The following AGBL4 variants were observed in gnomAD, a reference collection of about 807,000 sequenced individuals.
AGBL4 encodes the protein cytosolic carboxypeptidase 6.
Under a neutral mutation model 66.4 loss-of-function variants are expected in AGBL4, and 58 were observed. The observed-to-expected ratio is 0.87, with a 90% confidence interval of 0.71 to 1.09. The LOEUF is 1.09. AGBL4 is among the 50% of genes least tolerant of loss of function. The pLI, the probability that AGBL4 is intolerant of heterozygous loss-of-function variation, is 0.00. For synonymous variants in AGBL4, 234 were observed against 222.9 expected (o/e 1.05, Z -0.44); for missense variants, 579 against 631.0 (o/e 0.92, Z 0.88).
chr1:49,226,002 A>G (rs979770944), intron 4 of AGBL4, among the ~76,000 whole-genome samples: 2 of 152,220 alleles, frequency 1.3e-5, no homozygotes, highest in African/African-American at 4.8e-5. Flanking sequence ...TCTCAAGATA[A>G]TCTTAAGTTT....
At chr1:49,159,181 GT>G (rs1557688631) in intron 4 of AGBL4, among the ~76,000 whole-genome samples, 1 of 151,998 alleles carries the variant, frequency 6.6e-6, no homozygotes, top group African/African-American at 2.4e-5. Context: ...AGTTTGGTCT[GT>G]TTTTGCACTG....
intron 6 of AGBL4, among the ~76,000 whole-genome samples, chr1:48,749,309 T>C (rs1404799858): frequency 1.3e-5 from 2 of 152,154 alleles, no homozygotes; most frequent in Admixed American, 1.3e-4. Flanking sequence ...GACTAGAACA[T>C]AAACACCGAG....
chr1:49,724,075 A>G (rs376708170), intron 2 of AGBL4, among the ~76,000 whole-genome samples: 163 of 152,118 alleles, frequency 1.1e-3, no homozygotes, highest in South Asian at 2.7e-3. Context: ...CCAACCAGTA[A>G]TAAGGCATTA....
intron 3 of AGBL4, among the ~76,000 whole-genome samples, chr1:49,272,554 C>T (rs926656949): frequency 1.1e-4 from 16 of 152,094 alleles, no homozygotes; most frequent in African/African-American, 3.6e-4. Flanking sequence ...TTAAAATTGT[C>T]TCTGTACTTT....
At chr1:49,591,293 A>C (rs150808582) in intron 3 of AGBL4, among the ~76,000 whole-genome samples, 3 of 152,118 alleles carry the variant, frequency 2.0e-5, no homozygotes, top group African/African-American at 7.2e-5. Context: ...AAAAAAGGGA[A>C]GACACAAATT....
intron 6 of AGBL4, 29 bp downstream of exon 6, chr1:48,867,162 G>C: frequency 6.2e-7 from 1 of 1,611,316 alleles, no homozygotes; most frequent in Non-Finnish European, 8.5e-7. Context: ...TAAGGGAAAA[G>C]CAAAGGCAGA....
chr1:50,007,128 T>C (rs1168764736), intron 1 of AGBL4, among the ~76,000 whole-genome samples: 1 of 152,212 alleles, frequency 6.6e-6, no homozygotes, highest in Non-Finnish European at 1.5e-5. Context: ...TGTTTGTTTA[T>C]GCAATCAGTG....
intron 4 of AGBL4, among the ~76,000 whole-genome samples, chr1:49,129,573 T>C (rs1397896851): frequency 6.6e-6 from 1 of 152,058 alleles, no homozygotes; most frequent in Non-Finnish European, 1.5e-5. Context: ...GTTTGGTTTT[T>C]TGTCCTTGCG....
intron 3 of AGBL4, among the ~76,000 whole-genome samples, chr1:49,666,411 C>T (rs1290153703): frequency 1.3e-5 from 2 of 151,746 alleles, no homozygotes; most frequent in Non-Finnish European, 2.9e-5. Context: ...ACTAAAAATA[C>T]ACAAATTAGC....
At chr1:49,399,833 C>T (rs1437104259) in intron 3 of AGBL4, among the ~76,000 whole-genome samples, 1 of 151,926 alleles carries the variant, frequency 6.6e-6, no homozygotes, top group Non-Finnish European at 1.5e-5. Context: ...CTTTGTTGTA[C>T]AGAAGGATTT....
intron 6 of AGBL4, among the ~76,000 whole-genome samples, chr1:48,809,856 C>T (rs986252508): frequency 1.9e-4 from 29 of 152,162 alleles, no homozygotes; most frequent in Non-Finnish European, 3.7e-4. Context: ...TTCATTGTCT[C>T]AAATATTCCT....
intron 3 of AGBL4, among the ~76,000 whole-genome samples, chr1:49,381,360 G>A (rs1413030521): frequency 6.6e-6 from 1 of 152,300 alleles, no homozygotes; most frequent in East Asian, 1.9e-4. Flanking sequence ...GTGCTGGAGA[G>A]GATGTGGAGA....
intron 3 of AGBL4, among the ~76,000 whole-genome samples, chr1:49,371,439 T>C (rs7543157): frequency 0.089 from 13,527 of 152,196 alleles, 1,903 homozygotes; most frequent in African/African-American, 0.3. Context: ...TAGTTTGTAC[T>C]CAAGAAATAT....
At chr1:49,435,003 A>C (rs1004282164) in intron 3 of AGBL4, among the ~76,000 whole-genome samples, 1 of 151,970 alleles carries the variant, frequency 6.6e-6, no homozygotes, top group Non-Finnish European at 1.5e-5. Flanking sequence ...TTTCTCTCAG[A>C]TTAGCTGTCT....
intron 2 of AGBL4, among the ~76,000 whole-genome samples, chr1:49,713,193 T>C (rs1647807262): frequency 6.6e-6 from 1 of 152,060 alleles, no homozygotes; most frequent in African/African-American, 2.4e-5. Context: ...TCTCTGTTCT[T>C]TTATTCATTC....
intron 3 of AGBL4, among the ~76,000 whole-genome samples, chr1:49,347,673 C>T (rs1227812761): frequency 2.0e-5 from 3 of 151,626 alleles, no homozygotes; most frequent in African/African-American, 7.3e-5. Context: ...TCCCGGCCAA[C>T]ATGGTGAAGC....
rs1659397106 is a variant in AGBL4 at position 48,977,112 on chromosome 1, A to G, written c.594+68472T>C. Among the ~76,000 whole-genome samples the G allele has an allele frequency of 3.3e-5, 5 of 152,218 alleles. No homozygotes were observed. The South Asian group carries it at 1.0e-3, about 32-fold the overall frequency. On this transcript the variant is annotated intron_variant, in intron 5 of 13. Coordinates refer to ENST00000371839, the MANE Select transcript of AGBL4 (RefSeq NM_032785.4). ...GAGTGATGAATGAACAAACCTGGAT[A>G]GTATATAGGAAGTATAAGGAAGGCT... is the stretch of plus-strand genomic sequence containing the variant.
intron 9 of AGBL4, among the ~76,000 whole-genome samples, chr1:48,605,871 T>C (rs1243845035): frequency 1.3e-5 from 2 of 152,242 alleles, no homozygotes; most frequent in Non-Finnish European, 2.9e-5. Flanking sequence ...CCCTATTCTC[T>C]GGGTTCTTTC....
chr1:50,020,985 G>T (rs557408168), intron 1 of AGBL4, among the ~76,000 whole-genome samples: 21 of 152,112 alleles, frequency 1.4e-4, no homozygotes, highest in Non-Finnish European at 2.9e-4. Flanking sequence ...GACAATAAGG[G>T]TCAATAAAAT....
Sources: allele counts gnomAD v4.1 joint callset (sites outside exome capture counted in the v4.1 genomes callset), GRCh38; gene constraint gnomAD v4.1.1; transcripts MANE v1.5; gene names NCBI Gene and HGNC (gene_info 2026-07-23, HGNC 2026-07-21).